TFEB: variants seen among roughly 807,000 people sequenced by gnomAD.
TFEB encodes the protein T-cell transcription factor EB.
TFEB carries 12 observed loss-of-function variants against 48.0 expected under a neutral mutation model. The ratio of observed to expected loss-of-function variants is 0.25; its 90% confidence interval spans 0.16 to 0.40. The LOEUF (loss-of-function observed/expected upper bound fraction) is 0.40, where lower values mean the gene tolerates loss of function less well. TFEB is among the 10% of genes least tolerant of loss of function. The pLI, the probability that TFEB is intolerant of heterozygous loss-of-function variation, is 1.00. For synonymous variants in TFEB, 244 were observed against 261.4 expected, an observed-to-expected ratio of 0.93 and a Z score of 0.64; for missense variants, 509 against 640.3, an observed-to-expected ratio of 0.79 and a Z score of 2.21.
chr6:41,726,705 C>T (rs556756082), intron 1 of TFEB, among the ~76,000 whole-genome samples: 3 of 152,286 alleles, frequency 2.0e-5, no homozygotes, highest in East Asian at 3.9e-4. Flanking sequence ...TCACAAAGTG[C>T]TGGGATTACA....
chr6:41,689,940 G>C (rs1423160746), intron 3 of TFEB, 129 bp from the exon 4 acceptor site: 1 of 654,202 alleles, frequency 1.5e-6, no homozygotes, highest in African/African-American at 1.8e-5. Flanking sequence ...TCTGGGGAAA[G>C]AGGAAATAGG....
chr6:41,728,168 C>T (rs984741418), intron 1 of TFEB, among the ~76,000 whole-genome samples: 1 of 152,242 alleles, frequency 6.6e-6, no homozygotes, highest in Admixed American at 6.5e-5. Flanking sequence ...CCTCTCTGCC[C>T]TCTGTGGTTA....
chr6:41,703,697 A>T (rs2127458114), intron 1 of TFEB, among the ~76,000 whole-genome samples: 2 of 152,362 alleles, frequency 1.3e-5, no homozygotes, highest in South Asian at 4.1e-4. Flanking sequence ...AATTCACAGA[A>T]GGTGGCCTGT....
chr6:41,688,293 C>T, intron 4 of TFEB: 1 of 414,896 alleles, frequency 2.4e-6, no homozygotes, highest in Non-Finnish European at 4.3e-6. Flanking sequence ...GATTAGGCCC[C>T]AGGCATTATG....
At chr6:41,701,944 CAAAAAAAAAAAAAA>C in intron 1 of TFEB, among the ~76,000 whole-genome samples, 1 of 109,692 alleles carries the variant, frequency 9.1e-6, no homozygotes, top group South Asian at 3.0e-4. Flanking sequence ...GGCTCCGTCT[CAAAAAAAAAAAAAA>C]AAGAAAGATT....
chr6:41,735,561 T>C lies in TFEB; in HGVS notation c.-234A>G. Reference sequence around the variant, plus strand: ...GTCCCGCCCGGGCCGCCGCCTCCGCTGTCACCGAGCCCCGCGCCCGGCGCC... The same window carrying C: ...GTCCCGCCCGGGCCGCCGCCTCCGCCGTCACCGAGCCCCGCGCCCGGCGCC... On this transcript the variant is annotated 5_prime_UTR_variant, in exon 1 of 9. Transcript: ENST00000373033. The C allele has an allele frequency of 1.0e-6, 1 of 984,440 alleles. No individual in the cohort carries two copies. Among genetic ancestry groups the C allele is most frequent in the Non-Finnish European group, 1.2e-6 (1 of 829,668 alleles). 61.0% of individuals were successfully genotyped at this position (984,440 alleles called of 1,614,324 possible).
At chr6:41,708,737 T>C (rs1581911857) in intron 1 of TFEB, among the ~76,000 whole-genome samples, 1 of 152,338 alleles carries the variant, frequency 6.6e-6, no homozygotes, top group Non-Finnish European at 1.5e-5. Flanking sequence ...ACTGAATAGC[T>C]AACTCTAAAG....
At chr6:41,716,905 G>T (rs1440687026) in intron 1 of TFEB, among the ~76,000 whole-genome samples, 2 of 152,226 alleles carry the variant, frequency 1.3e-5, no homozygotes, top group East Asian at 1.9e-4. Context: ...GGAGCATTTC[G>T]AACCTAACTG....
chr6:41,730,519 T>C lies in TFEB; in HGVS notation c.-23+4831A>G, dbSNP rs1771407122. Among the ~76,000 whole-genome samples, 1 of 152,146 alleles carries C rather than the reference T, an allele frequency of 6.6e-6. No homozygotes were observed. The highest frequency in any genetic ancestry group is 2.4e-5 in the African/African-American group (1 of 41,428). ...CCCCATAAGAAAGCTGGACAAAAGATGGGTGGCCAGACCTCATTTTTCCTC... is the reference window on the plus strand; with the variant it reads ...CCCCATAAGAAAGCTGGACAAAAGACGGGTGGCCAGACCTCATTTTTCCTC... On this transcript the variant is annotated intron_variant, in intron 1 of 8. Transcript: ENST00000373033. This position sits in a 1 kb window ranked among gnomAD's most constrained non-coding sequence, Gnocchi z 4.1.
chr6:41,685,023 A>C lies in TFEB; in HGVS notation c.1007T>G (p.Met336Arg), dbSNP rs567571109. ...HGLPTTSPSGMNMAELAQQVV... is the reference protein window; with the variant it reads ...HGLPTTSPSGRNMAELAQQVV... ...CTGCTGGGCCAGCTCAGCCATGTTC[A>C]TGCCGGACGGGGAGGTGGTAGGGAG... is the stretch of plus-strand genomic sequence containing the variant. The change falls in exon 9 of 9, where the codon ATG becomes AGG. Residue 336 changes from methionine to arginine, a missense_variant. By Grantham distance (91) the Met-to-Arg change is moderately conservative (BLOSUM62 -1). Around this residue, in one of 4 missense-constraint regions of TFEB, gnomAD observed 62 missense variants for 90.2 expected, o/e 0.69. Coordinates refer to ENST00000373033, the MANE Select transcript of TFEB (RefSeq NM_001271944.2). 3.8e-5 allele frequency: 58 copies of C among 1,507,910 alleles called. No individual in the cohort carries two copies. Among genetic ancestry groups the C allele is most frequent in the African/African-American group, 7.0e-5 (5 of 71,618 alleles). The allele number at this position is 1,507,910 out of a possible 1,614,324, so 93.4% of individuals were successfully genotyped here.
intron 1 of TFEB, among the ~76,000 whole-genome samples, chr6:41,711,057 A>G (rs1305100989): frequency 6.6e-6 from 1 of 152,256 alleles, no homozygotes; most frequent in Non-Finnish European, 1.5e-5. Context: ...ACCACTATGG[A>G]TAATACTAAA....
chr6:41,708,624 T>G (rs1034212985), intron 1 of TFEB, among the ~76,000 whole-genome samples: 7 of 152,242 alleles, frequency 4.6e-5, no homozygotes, highest in Non-Finnish European at 1.0e-4. Context: ...TCATGAATCC[T>G]ACTCTACCAC....
At chr6:41,700,458 T>A (rs35250013) in intron 1 of TFEB, among the ~76,000 whole-genome samples, 42,743 of 133,548 alleles carry the variant, frequency 0.32, 6,406 homozygotes, top group Admixed American at 0.39. Flanking sequence ...AGAGCGAGAC[T>A]CCGTCTCAAA....
chr6:41,734,207 G>A lies in TFEB; in HGVS notation c.-23+1143C>T, dbSNP rs1771572607. ...GACGGCTGGAGCTGAGGGGGGTTCGGGGGAAGGCGCAGCGGCCAGGGGCTG... is the reference window on the plus strand; with the variant it reads ...GACGGCTGGAGCTGAGGGGGGTTCGAGGGAAGGCGCAGCGGCCAGGGGCTG... On this transcript the variant is annotated intron_variant, in intron 1 of 8. Coordinates refer to ENST00000373033, the MANE Select transcript of TFEB (RefSeq NM_001271944.2). This position sits in a 1 kb window ranked among gnomAD's most constrained non-coding sequence, Gnocchi z 4.0. 6.3e-6 allele frequency: 2 copies of A among 317,944 alleles called. No individual in the cohort carries two copies. Among genetic ancestry groups the A allele is most frequent in the Admixed American group, 1.3e-4 (2 of 15,470 alleles). 19.7% of individuals were successfully genotyped at this position (317,944 alleles called of 1,614,324 possible).
intron 1 of TFEB, among the ~76,000 whole-genome samples, chr6:41,706,592 C>G (rs755543165): frequency 1.3e-5 from 2 of 151,978 alleles, no homozygotes; most frequent in South Asian, 4.2e-4. Context: ...ATGCTGTCAG[C>G]TGCCCTAGAC....
intron 8 of TFEB, among the ~76,000 whole-genome samples, chr6:41,685,319 T>A (rs61185435): frequency 0.038 from 5,833 of 151,952 alleles, 359 homozygotes; most frequent in African/African-American, 0.13. Flanking sequence ...CAGCTTTCTA[T>A]TTTTTTAATT....
chr6:41,729,361 C>T (rs1168866148), intron 1 of TFEB, among the ~76,000 whole-genome samples: 1 of 152,182 alleles, frequency 6.6e-6, no homozygotes, highest in Non-Finnish European at 1.5e-5. Context: ...AAGGGAACAG[C>T]TTATTTCTGT....
intron 1 of TFEB, among the ~76,000 whole-genome samples, chr6:41,700,811 C>T (rs1769879465): frequency 6.6e-6 from 1 of 152,234 alleles, no homozygotes; most frequent in African/African-American, 2.4e-5. Context: ...CAAGTTTCAG[C>T]TCACATCCCA....
At position 41,690,275 on chromosome 6, in the gene TFEB, C is replaced by T. The variant is rs1488837093; in HGVS notation, c.468+388G>A. The stretch of plus-strand genomic sequence containing the variant: ...CCTCCCAAGTAGCTGGGATTACAGG[C>T]GTGCACCACCACGCCCAGCTAATTT... On this transcript the variant is annotated intron_variant, in intron 3 of 8. Coordinates refer to ENST00000373033, the MANE Select transcript of TFEB (RefSeq NM_001271944.2). 2.0e-5 allele frequency among the ~76,000 whole-genome samples: 3 copies of T among 152,084 alleles called. No individual in the cohort carries two copies. In the East Asian group the frequency reaches 5.8e-4, roughly 29 times the overall value.
Sources: allele counts gnomAD v4.1 joint callset (sites outside exome capture counted in the v4.1 genomes callset), GRCh38; gene constraint gnomAD v4.1.1; regional missense constraint gnomAD v4.1.1; non-coding constraint Gnocchi (gnomAD v3.1); transcripts MANE v1.5; gene names NCBI Gene and HGNC (gene_info 2026-07-23, HGNC 2026-07-21).